The following CCDC178 variants were observed in gnomAD, a reference collection of about 807,000 sequenced individuals.
CCDC178 encodes coiled-coil domain-containing protein 178.
In CCDC178, 126 loss-of-function variants were observed where a neutral mutation model predicts 117.4. That is an observed-to-expected ratio of 1.07 (90% CI 0.93 to 1.24). The LOEUF is 1.24. CCDC178 is among the 50% of genes most tolerant of loss of function. CCDC178 has a pLI of 0.00. For synonymous variants in CCDC178, 283 were observed against 313.4 expected (o/e 0.90, Z 1.02); for missense variants, 1,030 against 986.9 (o/e 1.04, Z -0.59).
At chr18:33,344,784 T>C (rs1599194583) in intron 9 of CCDC178, among the ~76,000 whole-genome samples, 3 of 142,180 alleles carry the variant, frequency 2.1e-5, no homozygotes, top group Non-Finnish European at 4.5e-5. Flanking sequence ...GACCCTATGG[T>C]AGCCTCATTG....
chr18:33,431,177 T>A, intron 2 of CCDC178, among the ~76,000 whole-genome samples: 2 of 141,692 alleles, frequency 1.4e-5, no homozygotes. Flanking sequence ...ATAAGTGAAA[T>A]ACAAATGATT....
intron 11 of CCDC178, among the ~76,000 whole-genome samples, chr18:33,294,136 A>G (rs1380611954): frequency 6.6e-6 from 1 of 152,206 alleles, no homozygotes; most frequent in East Asian, 1.9e-4. Context: ...GACCCTCCCA[A>G]GAGGACCAAT....
intron 22 of CCDC178, among the ~76,000 whole-genome samples, chr18:32,971,339 CA>C (rs1329625400): frequency 2.6e-5 from 4 of 152,122 alleles, no homozygotes; most frequent in Non-Finnish European, 4.4e-5. Flanking sequence ...CATGTCCCTG[CA>C]AAGGACATGA....
chr18:33,361,643 G>A (rs2063129414), intron 6 of CCDC178, among the ~76,000 whole-genome samples: 2 of 151,648 alleles, frequency 1.3e-5, no homozygotes, highest in Admixed American at 1.3e-4. Context: ...TTTAAAAATG[G>A]GCAAAGGACA....
At chr18:33,091,707 T>G (rs1173481754) in intron 21 of CCDC178, among the ~76,000 whole-genome samples, 8 of 152,074 alleles carry the variant, frequency 5.3e-5, no homozygotes, top group African/African-American at 1.7e-4. Flanking sequence ...CTCATGAGAG[T>G]AGACGGATGG....
intron 21 of CCDC178, among the ~76,000 whole-genome samples, chr18:33,090,508 T>TAAAA (rs1239456848): frequency 8.5e-5 from 13 of 152,156 alleles, no homozygotes; most frequent in Non-Finnish European, 1.5e-4. Context: ...ACATGGGAAA[T>TAAAA]GCTGCAATAT....
chr18:33,397,217 G>A lies in CCDC178; in HGVS notation c.59-9C>T, dbSNP rs1407067228. 1.9e-6 allele frequency: 3 copies of A among 1,589,260 alleles called. No individual in the cohort carries two copies. The highest frequency in any genetic ancestry group is 2.6e-6 in the Non-Finnish European group (3 of 1,161,358). On this transcript the variant is annotated splice_polypyrimidine_tract_variant and intron_variant, in intron 3 of 22. Transcript: ENST00000383096. ...TTCCTGACATGTTAAACCTATAAAAGGTAAAATAAAACAAAATAAAATATC... is the reference window on the plus strand; with the variant it reads ...TTCCTGACATGTTAAACCTATAAAAAGTAAAATAAAACAAAATAAAATATC...
At chr18:33,195,606 A>C (rs1169815104) in intron 20 of CCDC178, among the ~76,000 whole-genome samples, 1 of 152,056 alleles carries the variant, frequency 6.6e-6, no homozygotes, top group Non-Finnish European at 1.5e-5. Flanking sequence ...ATGCATGGAT[A>C]TTTTTTCCTC....
intron 12 of CCDC178, among the ~76,000 whole-genome samples, chr18:33,277,108 A>G (rs941942930): frequency 6.6e-6 from 1 of 152,156 alleles, no homozygotes; most frequent in South Asian, 2.1e-4. Flanking sequence ...GTATTAACCA[A>G]TGTAATCAGA....
chr18:33,154,226 G>A (rs1454607193), intron 20 of CCDC178, among the ~76,000 whole-genome samples: 1 of 152,102 alleles, frequency 6.6e-6, no homozygotes, highest in Non-Finnish European at 1.5e-5. Context: ...GAGACCCCAG[G>A]GAGAGAGATT....
At chr18:33,017,897 A>G (rs2056027470) in intron 21 of CCDC178, among the ~76,000 whole-genome samples, 2 of 152,012 alleles carry the variant, frequency 1.3e-5, no homozygotes, top group Non-Finnish European at 2.9e-5. Flanking sequence ...CATGATACCA[A>G]AAGCACAAGC....
intron 18 of CCDC178, among the ~76,000 whole-genome samples, chr18:33,215,957 G>A (rs937731516): frequency 5.3e-5 from 8 of 152,006 alleles, no homozygotes; most frequent in Non-Finnish European, 1.0e-4. Context: ...AAATAGCCAG[G>A]TGCAGTGTTT....
intron 2 of CCDC178, among the ~76,000 whole-genome samples, chr18:33,430,827 C>T (rs565505101): frequency 6.6e-6 from 1 of 150,814 alleles, no homozygotes; most frequent in East Asian, 2.0e-4. Flanking sequence ...AATCCCAGCA[C>T]TTTGGGAGGC....
At chr18:33,249,227 C>T (rs925909654) in intron 14 of CCDC178, among the ~76,000 whole-genome samples, 2 of 152,104 alleles carry the variant, frequency 1.3e-5, no homozygotes, top group African/African-American at 4.8e-5. Flanking sequence ...TGCCTGTTCA[C>T]TCTGATGGTA....
intron 11 of CCDC178, among the ~76,000 whole-genome samples, chr18:33,314,226 A>AG (rs1568138232): frequency 7.2e-6 from 1 of 138,176 alleles, no homozygotes; most frequent in African/African-American, 2.7e-5. Context: ...AAAAAAAAAA[A>AG]AAAAAAAGAA....
chr18:33,383,640 A>C (rs560269823), intron 5 of CCDC178, among the ~76,000 whole-genome samples: 1 of 152,206 alleles, frequency 6.6e-6, no homozygotes, highest in East Asian at 1.9e-4. Flanking sequence ...TATTAGATGA[A>C]AAACAACAAA....
At chr18:33,328,322 C>T (rs1188893554) in intron 10 of CCDC178, among the ~76,000 whole-genome samples, 2 of 151,826 alleles carry the variant, frequency 1.3e-5, no homozygotes, top group African/African-American at 4.8e-5. Context: ...AGGATGGTCT[C>T]GATCTCTTGA....
intron 11 of CCDC178, among the ~76,000 whole-genome samples, chr18:33,304,349 G>A (rs554010295): frequency 2.0e-5 from 3 of 152,156 alleles, no homozygotes; most frequent in African/African-American, 7.2e-5. Flanking sequence ...TGAAACTTAT[G>A]TTGTTTCCAC....
intron 20 of CCDC178, among the ~76,000 whole-genome samples, chr18:33,101,539 T>C (rs1436870927): frequency 6.6e-6 from 1 of 151,938 alleles, no homozygotes; most frequent in African/African-American, 2.4e-5. Context: ...CTGATGGCAC[T>C]GCACATCGAG....
Sources: allele counts gnomAD v4.1 joint callset (sites outside exome capture counted in the v4.1 genomes callset), GRCh38; gene constraint gnomAD v4.1.1; transcripts MANE v1.5; gene names NCBI Gene and HGNC (gene_info 2026-07-23, HGNC 2026-07-21).